Variants in TSNAX observed in about 807,000 individuals in gnomAD.
TSNAX encodes the protein translin associated factor X, also known as translin-associated protein X.
In TSNAX, 12 loss-of-function variants were observed where a neutral mutation model predicts 33.0. The ratio of observed to expected loss-of-function variants is 0.36; its 90% confidence interval spans 0.23 to 0.59. The LOEUF (loss-of-function observed/expected upper bound fraction) is 0.59, where lower values mean the gene tolerates loss of function less well. TSNAX is among the 20% of genes least tolerant of loss of function. The pLI is 0.74. For missense variants in TSNAX, 267 were observed against 341.3 expected (o/e 0.78, Z 1.72); for synonymous variants, 110 against 117.2 (o/e 0.94, Z 0.40).
intron 5 of TSNAX, among the ~76,000 whole-genome samples, chr1:231,562,182 AATT>A (rs1487371770): frequency 2.0e-5 from 3 of 148,322 alleles, no homozygotes; most frequent in South Asian, 2.1e-4. Context: ...TAAATTATTA[AATT>A]ATTAATTTAA....
intron 4 of TSNAX, among the ~76,000 whole-genome samples, chr1:231,545,576 A>G (rs1659850859): frequency 6.6e-6 from 1 of 152,148 alleles, no homozygotes; most frequent in African/African-American, 2.4e-5. Context: ...TTGTTGAAAA[A>G]TTAACAGTTT....
intron 2 of TSNAX, among the ~76,000 whole-genome samples, chr1:231,531,496 C>T (rs942591778): frequency 2.0e-5 from 3 of 152,180 alleles, no homozygotes; most frequent in Non-Finnish European, 4.4e-5. Flanking sequence ...TCATACAGGA[C>T]TGAGCTCCTT....
intron 5 of TSNAX, among the ~76,000 whole-genome samples, chr1:231,564,169 T>C (rs558309736): frequency 1.3e-5 from 2 of 152,272 alleles, no homozygotes; most frequent in African/African-American, 4.8e-5. Flanking sequence ...GGCTGTATGG[T>C]TTTTCATTTA....
intron 4 of TSNAX, among the ~76,000 whole-genome samples, chr1:231,560,406 T>TGCC (rs1661003604): frequency 3.1e-5 from 1 of 32,064 alleles, no homozygotes; most frequent in Non-Finnish European, 5.6e-5. Context: ...TTTTCTTTTC[T>TGCC]CCCCCCCCCC....
chr1:231,545,173 T>G (rs1659822591), intron 4 of TSNAX, among the ~76,000 whole-genome samples: 1 of 152,232 alleles, frequency 6.6e-6, no homozygotes, highest in Non-Finnish European at 1.5e-5. Flanking sequence ...AGGTTATTTA[T>G]AATTGGATTA....
chr1:231,538,907 G>T (rs1272732944), intron 3 of TSNAX, among the ~76,000 whole-genome samples: 3 of 150,660 alleles, frequency 2.0e-5, no homozygotes, highest in Non-Finnish European at 4.4e-5. Context: ...ACCCCAGCCT[G>T]GGCGACAGAA....
intron 2 of TSNAX, chr1:231,534,754 G>A (rs2124883590): frequency 6.6e-6 from 1 of 152,224 alleles, no homozygotes; most frequent in South Asian, 2.1e-4. Flanking sequence ...TATCCAGTAT[G>A]TTATACTGCT....
chr1:231,537,409 T>G (rs1198792920), intron 3 of TSNAX, 82 bp downstream of exon 3: 3 of 901,946 alleles, frequency 3.3e-6, no homozygotes, highest in East Asian at 5.4e-5. Context: ...TTAGAAGACA[T>G]CAGCAGTAGG....
chr1:231,562,506 A>G (rs114038848), intron 5 of TSNAX, among the ~76,000 whole-genome samples: 3,545 of 152,230 alleles, frequency 0.023, 142 homozygotes, highest in African/African-American at 0.081. Context: ...TGAATTACAC[A>G]AAGAAGTAAA....
At chr1:231,556,310 AT>A (rs1660690236) in intron 4 of TSNAX, among the ~76,000 whole-genome samples, 1 of 152,218 alleles carries the variant, frequency 6.6e-6, no homozygotes, top group Admixed American at 6.5e-5. Flanking sequence ...CATGATCTTG[AT>A]GGTACTTTTA....
chr1:231,539,204 C>CT (rs534379321), intron 3 of TSNAX, among the ~76,000 whole-genome samples: 3,503 of 151,912 alleles, frequency 0.023, 159 homozygotes, highest in African/African-American at 0.079. Context: ...ATTATGGACA[C>CT]TTTTTTTTAG....
At chr1:231,556,766 T>C (rs921147099) in intron 4 of TSNAX, among the ~76,000 whole-genome samples, 3 of 152,250 alleles carry the variant, frequency 2.0e-5, no homozygotes, top group Non-Finnish European at 4.4e-5. Context: ...AAAGCAGTGC[T>C]ATTTTTTGCT....
At chr1:231,560,540 G>T (rs1161351048) in intron 4 of TSNAX, among the ~76,000 whole-genome samples, 1 of 148,646 alleles carries the variant, frequency 6.7e-6, no homozygotes, top group Non-Finnish European at 1.5e-5. Flanking sequence ...TCAGCCTCCC[G>T]AGTAGCTGGG....
At chr1:231,563,774 G>A (rs776756735) in intron 5 of TSNAX, 12 of 151,898 alleles carry the variant, frequency 7.9e-5, no homozygotes, top group Non-Finnish European at 1.8e-4. Context: ...GAAGAGGTTT[G>A]GGATTTGAGT....
At chr1:231,543,869 A>G (rs962624071) in intron 4 of TSNAX, among the ~76,000 whole-genome samples, 1 of 152,222 alleles carries the variant, frequency 6.6e-6, no homozygotes, top group Non-Finnish European at 1.5e-5. Context: ...AGCACACACA[A>G]TAAAGATGAC....
In TSNAX at chr1:231,564,836, A is replaced by C; in HGVS notation, c.804A>C (p.Pro268=). 6.2e-7 allele frequency: 1 copy of C among 1,614,228 alleles called. No individual in the cohort carries two copies. The highest frequency in any genetic ancestry group is 8.5e-7 in the Non-Finnish European group (1 of 1,180,044). ...TGAAAGTCAGAGGGTCAGAAATTCC[A>C]AAACATATGTTGGCAGATGTGTTTT... ...YALKVRGSEI[P]KHMLADVFSV... Residue 268 remains proline, a synonymous_variant, in exon 6 of 6, where the codon CCA becomes CCC. Transcript: ENST00000366639.
intron 1 of TSNAX, 55 bp downstream of exon 1, chr1:231,528,881 T>G: frequency 6.2e-7 from 1 of 1,609,090 alleles, no homozygotes; most frequent in Non-Finnish European, 8.5e-7. Context: ...GGTTCTCCAG[T>G]CTTTCTATGC....
chr1:231,538,103 C>T (rs900119391), intron 3 of TSNAX, among the ~76,000 whole-genome samples: 2 of 152,102 alleles, frequency 1.3e-5, no homozygotes, highest in African/African-American at 2.4e-5. Flanking sequence ...CTGTTGACTA[C>T]TTAATTCTTT....
At position 231,545,977 on chromosome 1, in the gene TSNAX, C is replaced by A. The variant is rs367594394; in HGVS notation, c.367+3366C>A. Among the ~76,000 whole-genome samples, 22 of 152,314 alleles carry A rather than the reference C, an allele frequency of 1.4e-4. No individual in the cohort carries two copies. In the East Asian group the frequency reaches 4.0e-3, roughly 28 times the overall value. On this transcript the variant is annotated intron_variant, in intron 4 of 5. Transcript: ENST00000366639. ...TTCATTTACCTCTTAACTTTACAAC[C>A]TAACTCCTAGCAAAGGCTTTATTTT...
Sources: allele counts gnomAD v4.1 joint callset (sites outside exome capture counted in the v4.1 genomes callset), GRCh38; gene constraint gnomAD v4.1.1; transcripts MANE v1.5; gene names NCBI Gene and HGNC (gene_info 2026-07-23, HGNC 2026-07-21).